UTRN: variants seen among roughly 807,000 people sequenced by gnomAD.
The protein encoded by UTRN is dystrophin-related protein 1.
UTRN carries 283 observed loss-of-function variants against 463.9 expected under a neutral mutation model. That is an observed-to-expected ratio of 0.61 (90% CI 0.55 to 0.67). The LOEUF is 0.67. UTRN is among the 30% of genes least tolerant of loss of function. The pLI is 0.00. For synonymous variants in UTRN, 1,442 were observed against 1,431.5 expected, an observed-to-expected ratio of 1.01 and a Z score of -0.17; for missense variants, 3,922 against 4,084.3, an observed-to-expected ratio of 0.96 and a Z score of 1.08.
At chr6:144,566,175 A>C (rs1800385384) in intron 50 of UTRN, among the ~76,000 whole-genome samples, 1 of 152,168 alleles carries the variant, frequency 6.6e-6, no homozygotes, top group Non-Finnish European at 1.5e-5. Context: ...TGGAAGATGA[A>C]AGGTTCTCCA....
chr6:144,603,335 T>A (rs1804467266), intron 51 of UTRN, among the ~76,000 whole-genome samples: 1 of 152,208 alleles, frequency 6.6e-6, no homozygotes, highest in Non-Finnish European at 1.5e-5. Context: ...GGTTATACAT[T>A]GCGAGGTGGC....
intron 53 of UTRN, among the ~76,000 whole-genome samples, chr6:144,700,877 G>A (rs1049227892): frequency 3.0e-4 from 45 of 151,064 alleles, no homozygotes; most frequent in African/African-American, 1.1e-3. Context: ...GGGACTACAG[G>A]CACCTGCAAC....
chr6:144,739,328 A>T (rs986331351), intron 54 of UTRN, among the ~76,000 whole-genome samples: 2 of 152,206 alleles, frequency 1.3e-5, no homozygotes, highest in East Asian at 3.8e-4. Context: ...ATACAATTTC[A>T]TAGTTATTAA....
At chr6:144,628,064 G>T (rs1376280108) in intron 51 of UTRN, among the ~76,000 whole-genome samples, 1 of 152,146 alleles carries the variant, frequency 6.6e-6, no homozygotes, top group Non-Finnish European at 1.5e-5. Flanking sequence ...CTCCCAAAGT[G>T]CTGGGATTAC....
At chr6:144,489,027 G>GTTTATTTTATTTTATTTTAT (rs141795341) in intron 30 of UTRN, among the ~76,000 whole-genome samples, 193 bp downstream of exon 30, 102 of 148,462 alleles carry the variant, frequency 6.9e-4, no homozygotes, top group Admixed American at 2.7e-3. Context: ...GTCTTATATA[G>GTTTATTTTATTTTATTTTAT]TTTATTTTAT....
chr6:144,290,960 G>T (rs1804189462), intron 1 of UTRN, among the ~76,000 whole-genome samples: 1 of 147,984 alleles, frequency 6.8e-6, no homozygotes, highest in Admixed American at 6.8e-5. Flanking sequence ...ATTTTTAGTA[G>T]AGACAGGGTT....
At chr6:144,439,166 CTAAG>C (rs1562400867) in intron 12 of UTRN, among the ~76,000 whole-genome samples, 1 of 152,160 alleles carries the variant, frequency 6.6e-6, no homozygotes, top group African/African-American at 2.4e-5. Context: ...TTTTGGCCCT[CTAAG>C]TGGCTAAGAA....
chr6:144,509,871 C>A (rs925453945), intron 34 of UTRN, among the ~76,000 whole-genome samples: 4 of 151,950 alleles, frequency 2.6e-5, no homozygotes, highest in Non-Finnish European at 5.9e-5. Flanking sequence ...TTCTTAAATG[C>A]TATTCTAGTC....
chr6:144,770,475 A>G (rs1793888560), intron 58 of UTRN, among the ~76,000 whole-genome samples: 1 of 152,220 alleles, frequency 6.6e-6, no homozygotes, highest in South Asian at 2.1e-4. Flanking sequence ...AGTTTACTAA[A>G]TAGTTTTATA....
At chr6:144,368,008 C>T (rs1483251077) in intron 2 of UTRN, among the ~76,000 whole-genome samples, 1 of 152,138 alleles carries the variant, frequency 6.6e-6, no homozygotes, top group Non-Finnish European at 1.5e-5. Flanking sequence ...TATCAAACTC[C>T]TGACCTCATG....
rs527279772 is a variant in UTRN at position 144,542,346 on chromosome 6, C to A, written c.6520-449C>A. ...TAGCCTCTCAAAACTCCATTTGATTCCTGAAATCTTTGGAAACCAGGACTC... is the reference window on the plus strand; with the variant it reads ...TAGCCTCTCAAAACTCCATTTGATTACTGAAATCTTTGGAAACCAGGACTC... On this transcript the variant is annotated intron_variant, in intron 45 of 74. Coordinates refer to ENST00000367545, the MANE Select transcript of UTRN (RefSeq NM_007124.3). Among the ~76,000 whole-genome samples, 8 of 152,112 alleles carry A rather than the reference C, an allele frequency of 5.3e-5. No individual in the cohort carries two copies. In the South Asian group the frequency reaches 8.3e-4, roughly 16 times the overall value.
At chr6:144,754,833 T>G in intron 57 of UTRN, 35 bp downstream of exon 57, 1 of 1,584,296 alleles carries the variant, frequency 6.3e-7, no homozygotes, top group Non-Finnish European at 8.6e-7. Flanking sequence ...TCGCATTAAT[T>G]GAATGAATTA....
chr6:144,520,161 T>C (rs1017721694), intron 39 of UTRN, among the ~76,000 whole-genome samples: 4 of 152,222 alleles, frequency 2.6e-5, no homozygotes, highest in Non-Finnish European at 1.5e-5. Flanking sequence ...CCTCTTTTAC[T>C]TTTTCGACAT....
intron 14 of UTRN, 72 bp downstream of exon 14, chr6:144,444,454 A>C: frequency 8.6e-7 from 1 of 1,163,486 alleles, no homozygotes; most frequent in Non-Finnish European, 1.2e-6. Flanking sequence ...TGACTTTAGA[A>C]TAAAGTTGCC....
At chr6:144,695,447 G>T (rs1212044736) in intron 52 of UTRN, among the ~76,000 whole-genome samples, 1 of 151,382 alleles carries the variant, frequency 6.6e-6, no homozygotes, top group Non-Finnish European at 1.5e-5. Flanking sequence ...GGGTTCAAGC[G>T]ATTCTCCTGC....
intron 13 of UTRN, among the ~76,000 whole-genome samples, chr6:144,442,296 A>C (rs905600433): frequency 6.6e-6 from 1 of 152,140 alleles, no homozygotes; most frequent in African/African-American, 2.4e-5. Context: ...TGCTGCTTAG[A>C]AATTTCTTCC....
At chr6:144,770,249 C>T (rs1418077863) in intron 58 of UTRN, among the ~76,000 whole-genome samples, 1 of 152,120 alleles carries the variant, frequency 6.6e-6, no homozygotes, top group Non-Finnish European at 1.5e-5. Flanking sequence ...GGGATACGTA[C>T]CCAACTGCAA....
chr6:144,616,123 T>C (rs1362514248), intron 51 of UTRN, among the ~76,000 whole-genome samples: 1 of 152,174 alleles, frequency 6.6e-6, no homozygotes, highest in East Asian at 1.9e-4. Context: ...CATTGGACCC[T>C]AAGGATGTAC....
At chr6:144,612,320 A>AT (rs1465921003) in intron 51 of UTRN, among the ~76,000 whole-genome samples, 6 of 152,060 alleles carry the variant, frequency 3.9e-5, no homozygotes, top group Non-Finnish European at 7.4e-5. Context: ...TAAGGCAATG[A>AT]TTTTTTTAAT....
Sources: gnomAD v4.1 joint callset for allele counts (sites outside exome capture counted in the v4.1 genomes callset) on GRCh38, gnomAD v4.1.1 for gene constraint, MANE v1.5 for transcripts, NCBI Gene and HGNC (gene_info 2026-07-23, HGNC 2026-07-21) for gene names.